The following CHST11 variants were observed in gnomAD, a reference collection of about 807,000 sequenced individuals.
CHST11 encodes the protein C4S-1.
CHST11 carries 9 observed loss-of-function variants against 30.4 expected under a neutral mutation model. That is an observed-to-expected ratio of 0.30 (90% CI 0.18 to 0.52). The LOEUF is 0.52. Among genes scored for constraint, CHST11 ranks in the 20% least tolerant of loss-of-function variants. CHST11 has a pLI of 0.97. For missense variants in CHST11, 348 were observed against 460.6 expected (o/e 0.76, Z 2.24); for synonymous variants, 152 against 187.8 (o/e 0.81, Z 1.56).
intron 2 of CHST11, among the ~76,000 whole-genome samples, chr12:104,650,805 A>G (rs2039483212): frequency 6.6e-6 from 1 of 152,234 alleles, no homozygotes; most frequent in South Asian, 2.1e-4. Flanking sequence ...GATCCTGCAC[A>G]CAGCAGGTGC....
intron 1 of CHST11, among the ~76,000 whole-genome samples, chr12:104,469,823 A>AG (rs1179728726): frequency 6.6e-6 from 1 of 152,232 alleles, no homozygotes; most frequent in Non-Finnish European, 1.5e-5. Context: ...ACCTGAGGCC[A>AG]GGCTCACATT....
intron 2 of CHST11, among the ~76,000 whole-genome samples, chr12:104,668,018 T>C (rs906466365): frequency 2.6e-5 from 4 of 152,144 alleles, no homozygotes; most frequent in Non-Finnish European, 5.9e-5. Context: ...GTCTAGCCAG[T>C]AGAGCCAACC....
intron 1 of CHST11, among the ~76,000 whole-genome samples, chr12:104,577,412 G>A (rs1243203307): frequency 6.6e-6 from 1 of 152,006 alleles, no homozygotes; most frequent in Non-Finnish European, 1.5e-5. Flanking sequence ...AGGAAAGAAG[G>A]GCTGTGTACA....
At chr12:104,667,700 CGGTAA>C (rs2039654258) in intron 2 of CHST11, among the ~76,000 whole-genome samples, 1 of 152,180 alleles carries the variant, frequency 6.6e-6, no homozygotes, top group South Asian at 2.1e-4. Context: ...GTTTCCTCAT[CGGTAA>C]AGCAAGCAAG....
At chr12:104,471,334 T>C (rs1199344779) in intron 1 of CHST11, among the ~76,000 whole-genome samples, 1 of 152,218 alleles carries the variant, frequency 6.6e-6, no homozygotes, top group African/African-American at 2.4e-5. Context: ...CTGATGGTAA[T>C]TGGTCACTAA....
At chr12:104,489,520 C>T (rs1326042978) in intron 1 of CHST11, among the ~76,000 whole-genome samples, 1 of 152,048 alleles carries the variant, frequency 6.6e-6, no homozygotes, top group Non-Finnish European at 1.5e-5. Flanking sequence ...CACTCTGTCG[C>T]CAGGCTGGAG....
At chr12:104,732,547 C>T (rs917206886) in intron 2 of CHST11, among the ~76,000 whole-genome samples, 7 of 152,244 alleles carry the variant, frequency 4.6e-5, no homozygotes, top group African/African-American at 1.4e-4. Context: ...CTTCTCCCTT[C>T]CCCAACCCAC....
chr12:104,493,207 AGCAAT>A (rs1402764770), intron 1 of CHST11, among the ~76,000 whole-genome samples: 1 of 152,240 alleles, frequency 6.6e-6, no homozygotes, highest in Admixed American at 6.5e-5. Flanking sequence ...GTGGTTTGCA[AGCAAT>A]GCAGATGGCC....
intron 2 of CHST11, among the ~76,000 whole-genome samples, chr12:104,661,637 C>T (rs543269964): frequency 1.3e-5 from 2 of 152,302 alleles, no homozygotes; most frequent in East Asian, 3.9e-4. Context: ...ATTTAGGAAG[C>T]AAGAGAGCCC....
At chr12:104,687,160 G>C (rs951841423) in intron 2 of CHST11, among the ~76,000 whole-genome samples, 17 of 152,252 alleles carry the variant, frequency 1.1e-4, no homozygotes. Context: ...CTAGGATTCA[G>C]AAGTTGCACT....
Position 104,457,151 on chromosome 12 carries a change from G to A in CHST11, c.-261G>A, listed in dbSNP as rs1480970820. 1.4e-5 allele frequency: 4 copies of A among 293,232 alleles called. No homozygotes were observed. Among genetic ancestry groups the A allele is most frequent in the African/African-American group, 2.2e-5 (1 of 45,798 alleles). 18.2% of individuals were successfully genotyped at this position (293,232 alleles called of 1,614,324 possible). ...GCCGGCGGGATCGGAGGAGGCGGCG[G>A]AGCGGCGAGGAGGAGGAGCAGGAGC... On this transcript the variant is annotated 5_prime_UTR_variant, in exon 1 of 3. Coordinates refer to ENST00000303694, the MANE Select transcript of CHST11 (RefSeq NM_018413.6).
chr12:104,532,605 T>A (rs976814932), intron 1 of CHST11, among the ~76,000 whole-genome samples: 2 of 152,116 alleles, frequency 1.3e-5, no homozygotes, highest in African/African-American at 4.8e-5. Context: ...CTTCCCAACC[T>A]CAAATTTTTA....
chr12:104,640,849 G>A lies in CHST11; in HGVS notation c.204+38858G>A, dbSNP rs75218489. ...GGGCAGAAGAGGGTTGGTCCCCAGC[G>A]AGGTCCCTACCCTCAAGCTGAAAAG... On this transcript the variant is annotated intron_variant, in intron 2 of 2. Coordinates refer to ENST00000303694, the MANE Select transcript of CHST11 (RefSeq NM_018413.6). Among the ~76,000 whole-genome samples, 375 of 152,234 alleles carry A rather than the reference G, an allele frequency of 2.5e-3. 1 individual carries two copies. The highest frequency in any genetic ancestry group is 3.9e-3 in the Non-Finnish European group (262 of 68,000).
intron 2 of CHST11, among the ~76,000 whole-genome samples, chr12:104,653,156 T>C (rs2694408): frequency 0.94 from 143,127 of 152,202 alleles, 67,491 homozygotes; most frequent in African/African-American, 0.99. Context: ...CCATTTCTCC[T>C]GCCCGCCAGC....
intron 1 of CHST11, among the ~76,000 whole-genome samples, chr12:104,532,329 C>T (rs1443957854): frequency 6.6e-6 from 1 of 152,036 alleles, no homozygotes; most frequent in Non-Finnish European, 1.5e-5. Context: ...CACCCCCACC[C>T]CGTTATAAGA....
chr12:104,480,437 G>A (rs554666006), intron 1 of CHST11, among the ~76,000 whole-genome samples: 1 of 152,166 alleles, frequency 6.6e-6, no homozygotes, highest in African/African-American at 2.4e-5. Context: ...AATTAGCTGG[G>A]CATGGTGGCG....
chr12:104,469,813 A>G (rs767922961), intron 1 of CHST11, among the ~76,000 whole-genome samples: 1 of 152,172 alleles, frequency 6.6e-6, no homozygotes, highest in Non-Finnish European at 1.5e-5. Flanking sequence ...GCATTCTTCA[A>G]CCTGAGGCCA....
At chr12:104,706,941 T>C (rs985996336) in intron 2 of CHST11, among the ~76,000 whole-genome samples, 9 of 152,048 alleles carry the variant, frequency 5.9e-5, no homozygotes, top group African/African-American at 1.9e-4. Context: ...AGGCTCTGAA[T>C]TGAGGTCCAT....
At chr12:104,594,983 GA>G (rs1472419267) in intron 1 of CHST11, among the ~76,000 whole-genome samples, 1 of 152,084 alleles carries the variant, frequency 6.6e-6, no homozygotes, top group Non-Finnish European at 1.5e-5. Context: ...AAAATAAAAG[GA>G]GAGTGTTGGC....
Sources: allele counts gnomAD v4.1 joint callset (sites outside exome capture counted in the v4.1 genomes callset), GRCh38; gene constraint gnomAD v4.1.1; transcripts MANE v1.5; gene names NCBI Gene and HGNC (gene_info 2026-07-23, HGNC 2026-07-21).